Variants in STAB2 observed in about 807,000 individuals in gnomAD.
STAB2 encodes the protein stabilin-2.
In STAB2, 288 loss-of-function variants were observed where a neutral mutation model predicts 338.1. That is an observed-to-expected ratio of 0.85 (90% CI 0.77 to 0.94). The LOEUF (loss-of-function observed/expected upper bound fraction) is 0.94, where lower values mean the gene tolerates loss of function less well. Ranked by LOEUF, STAB2 falls within the 40% of genes least tolerant of loss-of-function variation. The pLI is 0.00. For missense variants in STAB2, 3,141 were observed against 3,210.1 expected, an observed-to-expected ratio of 0.98 and a Z score of 0.52; for synonymous variants, 1,202 against 1,193.3, an observed-to-expected ratio of 1.01 and a Z score of -0.15.
chr12:103,656,413 G>A (rs1296383819), intron 15 of STAB2, among the ~76,000 whole-genome samples: 1 of 152,168 alleles, frequency 6.6e-6, no homozygotes, highest in Non-Finnish European at 1.5e-5. Context: ...GTGTAGTGTA[G>A]ACAGAAACCA....
chr12:103,646,041 T>A (rs1873304240), intron 9 of STAB2, among the ~76,000 whole-genome samples: 1 of 152,174 alleles, frequency 6.6e-6, no homozygotes, highest in Non-Finnish European at 1.5e-5. Context: ...CCCAGCACTT[T>A]GGGAGGCCAA....
chr12:103,634,648 A>C (rs1197466921), intron 6 of STAB2, among the ~76,000 whole-genome samples: 1 of 152,250 alleles, frequency 6.6e-6, no homozygotes, highest in African/African-American at 2.4e-5. Flanking sequence ...GGATACCATG[A>C]AAAAATTATT....
At chr12:103,595,548 G>T (rs1399085149) in intron 3 of STAB2, among the ~76,000 whole-genome samples, 1 of 151,916 alleles carries the variant, frequency 6.6e-6, no homozygotes, top group Non-Finnish European at 1.5e-5. Flanking sequence ...TGTCTTTTGG[G>T]TTTTTTGTTT....
rs1322371161 is a variant in STAB2 at position 103,762,302 on chromosome 12, G to T, written c.7388G>T (p.Gly2463Val). ...VTLTHTGLGAGIFFAIILVTG... is the reference protein window; with the variant it reads ...VTLTHTGLGAVIFFAIILVTG... The stretch of plus-strand genomic sequence containing the variant: ...TTGACCCACACTGGCTTGGGAGCAG[G>T]GATCTTCTTTGCCATCATCCTGGTG... Residue 2463 changes from glycine (G) to valine (V), a missense_variant, in exon 67 of 69, where the codon GGG (glycine) becomes GTG (valine). Transcript: ENST00000388887. The T allele has an allele frequency of 6.2e-7, 1 of 1,614,212 alleles. No individual in the cohort carries two copies. Among genetic ancestry groups the T allele is most frequent in the South Asian group, 1.1e-5 (1 of 91,078 alleles).
chr12:103,750,620 T>C lies in STAB2; in HGVS notation c.6480T>C (p.Asp2160=), dbSNP rs1347996107. The C allele has an allele frequency of 1.9e-6, 3 of 1,614,220 alleles. No individual in the cohort carries two copies. The highest frequency in any genetic ancestry group is 1.7e-5 in the Admixed American group (1 of 60,030). ...KCECKSHYVG[D]GLNCEPEQLP... Reference sequence around the variant, plus strand: ...AGTGTAAAAGTCACTATGTCGGAGATGGGCTGAACTGTGAGCCGGAGCAGC... The same window carrying C: ...AGTGTAAAAGTCACTATGTCGGAGACGGGCTGAACTGTGAGCCGGAGCAGC... Residue 2160 remains aspartate (D), a synonymous_variant, in exon 60 of 69, where the codon GAT becomes GAC. Transcript: ENST00000388887.
At chr12:103,701,540 T>C (rs1878871428) in intron 34 of STAB2, among the ~76,000 whole-genome samples, 1 of 152,242 alleles carries the variant, frequency 6.6e-6, no homozygotes, top group South Asian at 2.1e-4. Flanking sequence ...AATTTCAATG[T>C]GATCCATAAT....
In STAB2 at chr12:103,681,892, T is replaced by C. The variant is rs915384335; in HGVS notation, c.2806-1313T>C. Among the ~76,000 whole-genome samples, 2 of 152,130 alleles carry C rather than the reference T, an allele frequency of 1.3e-5. 1 individual carries two copies. Among genetic ancestry groups the C allele is most frequent in the Non-Finnish European group, 2.9e-5 (2 of 68,014 alleles). On this transcript the variant is annotated intron_variant, in intron 25 of 68. Coordinates refer to ENST00000388887, the MANE Select transcript of STAB2 (RefSeq NM_017564.10). ...CCTTGGCCTCCCAAAGCCCCCTTTT[T>C]ATTAATATAAGGATACTGGTCTTAC...
At chr12:103,715,789 C>T (rs1296177670) in intron 42 of STAB2, 26 bp from the exon 43 acceptor site, 1 of 1,613,754 alleles carries the variant, frequency 6.2e-7, no homozygotes, top group East Asian at 2.2e-5. Context: ...GATTTCCAGG[C>T]CAGATGTTGG....
chr12:103,688,531 T>C (rs767120804), intron 28 of STAB2, among the ~76,000 whole-genome samples: 1 of 152,226 alleles, frequency 6.6e-6, no homozygotes, highest in Non-Finnish European at 1.5e-5. Flanking sequence ...ATCATTGTAA[T>C]TCACCAAGTT....
At chr12:103,742,117 A>T (rs1408788586) in intron 55 of STAB2, among the ~76,000 whole-genome samples, 1 of 152,230 alleles carries the variant, frequency 6.6e-6, no homozygotes, top group Non-Finnish European at 1.5e-5. Flanking sequence ...CTAAGAAAAC[A>T]AAAGCTCAGA....
chr12:103,685,465 T>TGTGC (rs1555238756), intron 27 of STAB2, among the ~76,000 whole-genome samples: 22 of 141,396 alleles, frequency 1.6e-4, no homozygotes, highest in Admixed American at 1.3e-3. Context: ...CGCGTGCGTG[T>TGTGC]GTGTGTGCGT....
chr12:103,744,451 C>T (rs546130614), intron 56 of STAB2, among the ~76,000 whole-genome samples: 27 of 141,766 alleles, frequency 1.9e-4, no homozygotes, highest in African/African-American at 6.8e-4. Context: ...TGCACCTGGC[C>T]ACAATTTTAC....
intron 19 of STAB2, among the ~76,000 whole-genome samples, chr12:103,666,742 G>A (rs1369547046): frequency 6.6e-6 from 1 of 152,184 alleles, no homozygotes. Context: ...GTGCAGAACT[G>A]TCTGTAAACA....
chr12:103,677,075 C>G (rs924126997), intron 24 of STAB2, among the ~76,000 whole-genome samples: 2 of 152,172 alleles, frequency 1.3e-5, no homozygotes, highest in African/African-American at 2.4e-5. Context: ...GTTTGGGTTG[C>G]CACATTATAC....
At chr12:103,615,661 G>A (rs758154190) in intron 3 of STAB2, among the ~76,000 whole-genome samples, 41 of 152,208 alleles carry the variant, frequency 2.7e-4, no homozygotes, top group Non-Finnish European at 6.0e-4. Context: ...ACCCAAGCCT[G>A]GGTAATTTAT....
At chr12:103,629,576 G>A (rs1179409023) in intron 5 of STAB2, among the ~76,000 whole-genome samples, 1 of 152,186 alleles carries the variant, frequency 6.6e-6, no homozygotes, top group African/African-American at 2.4e-5. Context: ...ACACAGAAGT[G>A]GGGGCTTTGG....
In STAB2 at chr12:103,699,623, G is replaced by A. The variant is rs190459746; in HGVS notation, c.3714+396G>A. Among the ~76,000 whole-genome samples the A allele has an allele frequency of 1.9e-4, 29 of 152,276 alleles. No homozygotes were observed. In the South Asian group the frequency reaches 2.5e-3, roughly 13 times the overall value. On this transcript the variant is annotated intron_variant, in intron 34 of 68. Coordinates refer to ENST00000388887, the MANE Select transcript of STAB2 (RefSeq NM_017564.10). ...TCCTACCAGGTCCCTCCCACAACAC[G>A]TGGGAATTCAGGATGAGATTTGGGT...
intron 25 of STAB2, among the ~76,000 whole-genome samples, chr12:103,680,732 T>C (rs1876824423): frequency 6.6e-6 from 1 of 152,016 alleles, no homozygotes; most frequent in Non-Finnish European, 1.5e-5. Flanking sequence ...CACCCTGGGG[T>C]GGAGGAATCA....
rs2139269367 is a variant in STAB2 at position 103,766,546 on chromosome 12, CTCT to C, written c.*216_*218del. 3.6e-6 allele frequency: 2 copies of C among 562,650 alleles called. No homozygotes were observed. The highest frequency in any genetic ancestry group is 4.2e-5 in the South Asian group (2 of 47,898). 34.9% of individuals were successfully genotyped at this position (562,650 alleles called of 1,614,324 possible). Reference sequence around the variant, plus strand: ...ACAGCTTCCTCCTCTGACCCTTTGGCTCTTCTTCCTTTGTACTCTTCAGCTGGC... The same window carrying C: ...ACAGCTTCCTCCTCTGACCCTTTGGCTCTTCCTTTGTACTCTTCAGCTGGC... On this transcript the variant is annotated 3_prime_UTR_variant, in exon 69 of 69. Transcript: ENST00000388887.
Sources: gnomAD v4.1 joint callset for allele counts (sites outside exome capture counted in the v4.1 genomes callset) on GRCh38, gnomAD v4.1.1 for gene constraint, MANE v1.5 for transcripts, NCBI Gene and HGNC (gene_info 2026-07-23, HGNC 2026-07-21) for gene names.